The following FLG variants were observed in gnomAD, a reference collection of about 807,000 sequenced individuals.
FLG encodes epidermal filaggrin.
FLG carries 6 observed loss-of-function variants against 3.8 expected under a neutral mutation model. The ratio of observed to expected loss-of-function variants is 1.60; its 90% confidence interval spans 0.87 to 3.15. The LOEUF is 3.15. Ranked by LOEUF, FLG falls within the 30% of genes most tolerant of loss-of-function variation. The pLI, the probability that FLG is intolerant of heterozygous loss-of-function variation, is 0.00. For missense variants in FLG, 7,595 were observed against 5,050.9 expected (o/e 1.50, Z -15.27); for synonymous variants, 2,551 against 1,931.6 (o/e 1.32, Z -8.41).
rs766121080 is a variant in FLG, at chr1:152,311,859, G to T, written c.3027C>A (p.His1009Gln). 31 of 1,613,586 alleles carry T rather than the reference G, an allele frequency of 1.9e-5. No individual in the cohort carries two copies. The East Asian group carries it at 5.6e-4, about 29-fold the overall frequency. Residue 1009 changes from histidine to glutamine, a missense_variant, in exon 3 of 3, where the codon CAC becomes CAA. Transcript: ENST00000368799. ...CCTGTCCACCAGAGGAAGTCTCTGC[G>T]TGAGGAGTTCCTGATTGTCTGGAGC... ...ADSSRQSGTP[H>Q]AETSSGGQAA...
Position 152,315,525 on chromosome 1 carries a change from AG to A in FLG, c.-21-49del, listed in dbSNP as rs1302831433. On this transcript the variant is annotated intron_variant, in intron 1 of 2. Coordinates refer to ENST00000368799, the MANE Select transcript of FLG (RefSeq NM_002016.2). ...CACTTTTTTATACATCTTTTTTTCT[AG>A]GTTATATTATTACAATCATTTTCCA... The A allele has an allele frequency of 4.3e-6, 6 of 1,386,836 alleles. No individual in the cohort carries two copies. In the Admixed American group the frequency reaches 1.2e-4, roughly 27 times the overall value. 85.9% of individuals were successfully genotyped at this position (1,386,836 alleles called of 1,614,324 possible).
chr1:152,310,492 CT>C lies in FLG; in HGVS notation c.4393del (p.Arg1465AspfsTer45), dbSNP rs1237217711. ...HGQTAPSTGG[R>X]QGSRHEQARN... ...TGCCTGCTCATGGCGGGATCCTTGTCTTCCTCCAGTGCTGGGTGCAGTCTGT... is the reference window on the plus strand; with the variant it reads ...TGCCTGCTCATGGCGGGATCCTTGTCTCCTCCAGTGCTGGGTGCAGTCTGT... On this transcript the variant is annotated frameshift_variant, in exon 3 of 3. Coordinates refer to ENST00000368799, the MANE Select transcript of FLG (RefSeq NM_002016.2). LOFTEE classifies it low-confidence loss of function (END_TRUNC). 1.2e-6 allele frequency: 2 copies of C among 1,613,832 alleles called. No homozygotes were observed. The highest frequency in any genetic ancestry group is 2.7e-5 in the African/African-American group (2 of 74,956).
Position 152,310,542 on chromosome 1 carries a change from A to C in FLG, c.4344T>G (p.His1448Gln), listed in dbSNP as rs147463305. ...SRSFLYQVSS[H>Q]EQSESTHGQT... ...GTCCGTGTGTGGACTCAGACTGTTC[A>C]TGAGAGCTCACCTGGTAGAGGAAAG... The change falls in exon 3 of 3, where the codon CAT (histidine) becomes CAG (glutamine). Residue 1448 changes from histidine to glutamine, a missense_variant. His to Gln is a conservative substitution (Grantham distance 24, BLOSUM62 0). Transcript: ENST00000368799. 94 of 1,613,664 alleles carry C rather than the reference A, an allele frequency of 5.8e-5. No individual in the cohort carries two copies. In the African/African-American group the frequency reaches 1.1e-3, roughly 20 times the overall value.
Position 152,302,502 on chromosome 1 carries a change from A to T in FLG, c.*198T>A. 1.5e-6 allele frequency: 1 copy of T among 677,716 alleles called. No homozygotes were observed. The allele number at this position is 677,716 out of a possible 1,614,324, so 42.0% of individuals were successfully genotyped here. A position where few individuals can be genotyped will look rare whatever the true frequency, so the allele number is the denominator to read the frequency against. On this transcript the variant is annotated 3_prime_UTR_variant, in exon 3 of 3. Coordinates refer to ENST00000368799, the MANE Select transcript of FLG (RefSeq NM_002016.2). ...TCCATGATATTGATTTCTTCCATTT[A>T]ATATTTCTGAAATATAGCGTTTAAA...
At position 152,303,459 on chromosome 1, in the gene FLG, T is replaced by G. The variant is rs1445100249; in HGVS notation, c.11427A>C (p.Ala3809=). 1.2e-6 allele frequency: 2 copies of G among 1,614,068 alleles called. No individual in the cohort carries two copies. The highest frequency in any genetic ancestry group is 1.7e-6 in the Non-Finnish European group (2 of 1,180,004). ...GTTCCTCATTACGTGTTTCTCTGCTTGCACTTCTGGATCCTGACTGCCCAT... is the reference window on the plus strand; with the variant it reads ...GTTCCTCATTACGTGTTTCTCTGCTGGCACTTCTGGATCCTGACTGCCCAT... The part of the protein sequence containing the change: ...ASHGQSGSRS[A]SRETRNEEQS... The change falls in exon 3 of 3, where the codon GCA becomes GCC. Residue 3809 remains alanine, a synonymous_variant. Coordinates refer to ENST00000368799, the MANE Select transcript of FLG (RefSeq NM_002016.2).
intron 1 of FLG, among the ~76,000 whole-genome samples, chr1:152,324,415 C>A (rs1399874390): frequency 6.6e-6 from 1 of 151,920 alleles, no homozygotes. Flanking sequence ...ACACTAGCTT[C>A]TTTTTGCTCT....
At position 152,308,648 on chromosome 1, in the gene FLG, A is replaced by G. The variant is rs1652156991; in HGVS notation, c.6238T>C (p.Ser2080Pro). The change falls in exon 3 of 3, where the codon TCA (serine) becomes CCA (proline). Residue 2080 changes from serine to proline, a missense_variant. Physicochemically the swap from Ser to Pro is moderately conservative, Grantham distance 74 (BLOSUM62 -1). Transcript: ENST00000368799. ...CCTGAACGTCCAGAGCTTTCCCCTG[A>G]CTGGCCACGTGCGGACTCTTTGTGG... ...QSHKESARGQ[S>P]GESSGRSGSF... 2 of 1,614,052 alleles carry G rather than the reference A, an allele frequency of 1.2e-6. No individual in the cohort carries two copies. Among genetic ancestry groups the G allele is most frequent in the Non-Finnish European group, 1.7e-6 (2 of 1,179,990 alleles).
In FLG at chr1:152,304,317, C is replaced by G; in HGVS notation, c.10569G>C (p.Gln3523His). Residue 3523 changes from glutamine (Q) to histidine (H), a missense_variant, in exon 3 of 3, where the codon CAG (glutamine) becomes CAC (histidine). Gln to His is a conservative substitution (Grantham distance 24). Coordinates refer to ENST00000368799, the MANE Select transcript of FLG (RefSeq NM_002016.2). ...TTGTCCTGGGCCCCGCTGATTGTCC[C>G]TGGCCGGACTGTGAGTGTCTAGAGC... is the stretch of plus-strand genomic sequence containing the variant. ...ADSSRHSQSG[Q>H]GQSAGPRTSR... 2 of 1,611,772 alleles carry G rather than the reference C, an allele frequency of 1.2e-6. No individual in the cohort carries two copies. Among genetic ancestry groups the G allele is most frequent in the Non-Finnish European group, 1.7e-6 (2 of 1,178,922 alleles).
intron 1 of FLG, among the ~76,000 whole-genome samples, chr1:152,323,240 G>T (rs1653036487): frequency 6.6e-6 from 1 of 151,506 alleles, no homozygotes; most frequent in Non-Finnish European, 1.5e-5. Flanking sequence ...ACCTCGGGGT[G>T]GGGAAATACT....
rs1388039344 is a variant in FLG at position 152,322,132 on chromosome 1, C to A, written c.-22+3057G>T. Among the ~76,000 whole-genome samples the A allele has an allele frequency of 2.7e-5, 4 of 150,702 alleles. No individual in the cohort carries two copies. The East Asian group carries it at 7.8e-4, about 29-fold the overall frequency. On this transcript the variant is annotated intron_variant, in intron 1 of 2. Transcript: ENST00000368799. ...ATTATGTCTTTGAAAAATGTCATAGCAAAAATTATATTTAATGGTGAAATG... is the reference window on the plus strand; with the variant it reads ...ATTATGTCTTTGAAAAATGTCATAGAAAAAATTATATTTAATGGTGAAATG...
In FLG at chr1:152,313,144, G is replaced by A. The variant is rs570371680; in HGVS notation, c.1742C>T (p.Thr581Ile). The change falls in exon 3 of 3, where the codon ACC becomes ATC. Residue 581 changes from threonine (T) to isoleucine (I), a missense_variant. Physicochemically the swap from Thr to Ile is moderately conservative, Grantham distance 89. Coordinates refer to ENST00000368799, the MANE Select transcript of FLG (RefSeq NM_002016.2). ...TRNEEQSGDG[T>I]RHSGSRHHEA... is the part of the protein sequence containing the mutation. The stretch of plus-strand genomic sequence containing the variant: ...ATGATGACGTGACCCTGAGTGCCTG[G>A]TGCCGTCTCCTGATTGTTCCTCATT... 1.2e-5 allele frequency: 19 copies of A among 1,613,786 alleles called. 1 individual carries two copies. In the South Asian group the frequency reaches 1.5e-4, roughly 13 times the overall value.
At position 152,303,587 on chromosome 1, in the gene FLG, C is replaced by T. The variant is rs771770530; in HGVS notation, c.11299G>A (p.Gly3767Arg). The change falls in exon 3 of 3, where the codon GGA becomes AGA. Residue 3767 changes from glycine (G) to arginine (R), a missense_variant. Gly to Arg is a moderately radical substitution (Grantham distance 125). Coordinates refer to ENST00000368799, the MANE Select transcript of FLG (RefSeq NM_002016.2). ...TIRGHPGSRR[G>R]GRQGSYHEQS... ...TCGTGGTAGGATCCCTGTCTTCCTC[C>T]TCTCCTTGACCCCGGGTGTCCACGA... 2.7e-4 allele frequency: 436 copies of T among 1,613,832 alleles called. No homozygotes were observed. Among genetic ancestry groups the T allele is most frequent in the Non-Finnish European group, 3.4e-4 (406 of 1,179,962 alleles).
In FLG at chr1:152,306,176, A is replaced by T; in HGVS notation, c.8710T>A (p.Ser2904Thr). The T allele has an allele frequency of 6.2e-7, 1 of 1,602,520 alleles. No homozygotes were observed. Among genetic ancestry groups the T allele is most frequent in the Non-Finnish European group, 8.5e-7 (1 of 1,180,048 alleles). Residue 2904 changes from serine (S) to threonine (T), a missense_variant, in exon 3 of 3, where the codon TCT becomes ACT. Physicochemically the swap from Ser to Thr is moderately conservative, Grantham distance 58. Transcript: ENST00000368799. The part of the protein sequence containing the change: ...DSDSEGHSED[S>T]ERWSGSASRN... ...GAAGCAGACCCAGACCACCTCTCAG[A>T]GTCTTCTGAATGTCCCTCACTGTCA...
Position 152,312,834 on chromosome 1 carries a change from G to C in FLG, c.2052C>G (p.His684Gln). 6.2e-7 allele frequency: 1 copy of C among 1,614,088 alleles called. No individual in the cohort carries two copies. Among genetic ancestry groups the C allele is most frequent in the Non-Finnish European group, 8.5e-7 (1 of 1,180,032 alleles). ...ADSSRKSGTR[H>Q]TQNSSSGQAA... ...CCTGTCCACTAGAGGAATTCTGTGT[G>C]TGACGAGTGCCTGATTTTCTGGAGC... The change falls in exon 3 of 3, where the codon CAC (histidine) becomes CAG (glutamine). Residue 684 changes from histidine to glutamine, a missense_variant. Transcript: ENST00000368799.
Position 152,302,839 on chromosome 1 carries a change from T to G in FLG, c.12047A>C (p.Lys4016Thr). 1 of 1,614,206 alleles carries G rather than the reference T, an allele frequency of 6.2e-7. No homozygotes were observed. Among genetic ancestry groups the G allele is most frequent in the South Asian group, 1.1e-5 (1 of 91,076 alleles). The change falls in exon 3 of 3, where the codon AAA becomes ACA. Residue 4016 changes from lysine to threonine, a missense_variant. Physicochemically the swap from Lys to Thr is moderately conservative, Grantham distance 78. Transcript: ENST00000368799. ...ATGATCTTTACCAAACGCACTTGCT[T>G]TACAGATATCAGATCTTTCCTTGAA... ...VVFKERSDICKASAFGKDHPR... is the reference protein window; with the variant it reads ...VVFKERSDICTASAFGKDHPR...
intron 1 of FLG, among the ~76,000 whole-genome samples, chr1:152,324,777 T>C (rs1250844628): frequency 2.0e-5 from 3 of 151,906 alleles, no homozygotes; most frequent in Non-Finnish European, 4.4e-5. Flanking sequence ...CCTGCTCTAC[T>C]ACATCACTCT....
chr1:152,310,496 C>T lies in FLG; in HGVS notation c.4390G>A (p.Gly1464Arg). 6.2e-7 allele frequency: 1 copy of T among 1,613,882 alleles called. No homozygotes were observed. Among genetic ancestry groups the T allele is most frequent in the Non-Finnish European group, 8.5e-7 (1 of 1,179,932 alleles). Residue 1464 changes from glycine to arginine, a missense_variant, in exon 3 of 3, where the codon GGA (glycine) becomes AGA (arginine). By Grantham distance (125) the Gly-to-Arg change is moderately radical (BLOSUM62 -2). Coordinates refer to ENST00000368799, the MANE Select transcript of FLG (RefSeq NM_002016.2). The stretch of plus-strand genomic sequence containing the variant: ...TGCTCATGGCGGGATCCTTGTCTTC[C>T]TCCAGTGCTGGGTGCAGTCTGTCCG... ...THGQTAPSTG[G>R]RQGSRHEQAR...
Position 152,309,294 on chromosome 1 carries a change from G to A in FLG, c.5592C>T (p.Val1864=). 6.2e-7 allele frequency: 1 copy of A among 1,613,534 alleles called. No individual in the cohort carries two copies. Among genetic ancestry groups the A allele is most frequent in the Non-Finnish European group, 8.5e-7 (1 of 1,179,922 alleles). Residue 1864 remains valine (V), a synonymous_variant, in exon 3 of 3, where the codon GTC becomes GTT. Coordinates refer to ENST00000368799, the MANE Select transcript of FLG (RefSeq NM_002016.2). The stretch of plus-strand genomic sequence containing the variant: ...GTTTCTCATTACGTGTTTGTCTGCT[G>A]ACACTTCTGGATCCTGACTGCCCAC... ...VSRGQSGSRS[V]SRQTRNEKQS... is the part of the protein sequence containing the mutation.
In FLG at chr1:152,304,368, G is replaced by A. The variant is rs765746633; in HGVS notation, c.10518C>T (p.His3506=). ...GDGSRHSWSH[H]HEASTQADSS... ...TGTCCGCCTGAGTGGAAGCTTCATG[G>A]TGATGCGACCATGAGTGCCTGGAGC... The change falls in exon 3 of 3, where the codon CAC becomes CAT. Residue 3506 remains histidine, a synonymous_variant. Coordinates refer to ENST00000368799, the MANE Select transcript of FLG (RefSeq NM_002016.2). 32 of 1,611,684 alleles carry A rather than the reference G, an allele frequency of 2.0e-5. 1 individual carries two copies. In the East Asian group the frequency reaches 2.2e-4, roughly 11 times the overall value.
Sources: gnomAD v4.1 joint callset for allele counts (sites outside exome capture counted in the v4.1 genomes callset) on GRCh38, gnomAD v4.1.1 for gene constraint, MANE v1.5 for transcripts, NCBI Gene and HGNC (gene_info 2026-07-23, HGNC 2026-07-21) for gene names.